The following GRID2 variants were observed in gnomAD, a reference collection of about 807,000 sequenced individuals.
The protein encoded by GRID2 is glutamate receptor ionotropic, delta-2.
GRID2 carries 33 observed loss-of-function variants against 114.8 expected under a neutral mutation model. The ratio of observed to expected loss-of-function variants is 0.29; its 90% CI spans 0.22 to 0.38. The LOEUF (loss-of-function observed/expected upper bound fraction) is 0.38, where lower values mean the gene tolerates loss of function less well. Ranked by LOEUF, GRID2 falls within the 10% of genes least tolerant of loss-of-function variation. The pLI is 1.00. For missense variants in GRID2, 1,184 were observed against 1,257.7 expected (o/e 0.94, Z 0.89); for synonymous variants, 505 against 449.9 (o/e 1.12, Z -1.55).
At chr4:92,851,885 G>C (rs887695009) in intron 2 of GRID2, among the ~76,000 whole-genome samples, 1 of 151,922 alleles carries the variant, frequency 6.6e-6, no homozygotes, top group Non-Finnish European at 1.5e-5. Context: ...CAAAAAATAT[G>C]TACTTTCTTT....
chr4:93,713,884 C>A (rs527633629), intron 14 of GRID2, among the ~76,000 whole-genome samples: 38 of 152,244 alleles, frequency 2.5e-4, no homozygotes, highest in Admixed American at 7.8e-4. Flanking sequence ...ATACTGCATC[C>A]TCAATCTATG....
chr4:92,654,832 T>G (rs1732147156), intron 2 of GRID2, among the ~76,000 whole-genome samples: 1 of 152,052 alleles, frequency 6.6e-6, no homozygotes, highest in Admixed American at 6.6e-5. Context: ...TCCAAGTATT[T>G]TCTCCCATTG....
At chr4:92,921,560 C>T (rs1205998198) in intron 2 of GRID2, among the ~76,000 whole-genome samples, 1 of 152,192 alleles carries the variant, frequency 6.6e-6, no homozygotes, top group Non-Finnish European at 1.5e-5. Context: ...AGTGTTCCTT[C>T]TAACAGTCAG....
At chr4:93,462,934 C>T (rs933938747) in intron 11 of GRID2, among the ~76,000 whole-genome samples, 4 of 152,116 alleles carry the variant, frequency 2.6e-5, no homozygotes, top group Non-Finnish European at 5.9e-5. Context: ...AGTAATTCCC[C>T]ATGACAGGTT....
intron 1 of GRID2, among the ~76,000 whole-genome samples, chr4:92,409,331 A>G (rs1002850711): frequency 1.3e-5 from 2 of 152,046 alleles, no homozygotes; most frequent in African/African-American, 2.4e-5. Flanking sequence ...CATTAAATGT[A>G]TTTTCCTACT....
intron 2 of GRID2, among the ~76,000 whole-genome samples, chr4:92,763,778 G>T (rs1483754230): frequency 1.3e-5 from 2 of 152,186 alleles, no homozygotes; most frequent in Admixed American, 1.3e-4. Flanking sequence ...CACAGTGAAA[G>T]AGGGAGAGAG....
At chr4:93,388,717 G>T (rs755752708) in intron 8 of GRID2, among the ~76,000 whole-genome samples, 2 of 152,164 alleles carry the variant, frequency 1.3e-5, no homozygotes, top group African/African-American at 2.4e-5. Context: ...TGCAAAGAAA[G>T]ACTGTAAAGA....
At chr4:92,473,205 AT>A (rs1722128638) in intron 1 of GRID2, among the ~76,000 whole-genome samples, 1 of 151,972 alleles carries the variant, frequency 6.6e-6, no homozygotes, top group Non-Finnish European at 1.5e-5. Context: ...TGACCATGTA[AT>A]TTTGTGTTTC....
intron 1 of GRID2, among the ~76,000 whole-genome samples, chr4:92,377,361 C>A (rs1337819866): frequency 6.6e-6 from 1 of 152,092 alleles, no homozygotes; most frequent in Non-Finnish European, 1.5e-5. Flanking sequence ...TCCTCACTTC[C>A]ATCTGAGACC....
At chr4:93,669,104 T>A (rs1052273866) in intron 14 of GRID2, among the ~76,000 whole-genome samples, 26 of 152,218 alleles carry the variant, frequency 1.7e-4, no homozygotes, top group Non-Finnish European at 2.6e-4. Context: ...TTATAGTACA[T>A]CAGGTTTTAT....
At chr4:92,514,344 A>C (rs1374204666) in intron 1 of GRID2, among the ~76,000 whole-genome samples, 1 of 151,876 alleles carries the variant, frequency 6.6e-6, no homozygotes, top group Non-Finnish European at 1.5e-5. Context: ...GAGATATATG[A>C]AAGTTTATTG....
intron 2 of GRID2, among the ~76,000 whole-genome samples, chr4:92,938,709 C>G (rs1463626962): frequency 7.0e-6 from 1 of 142,354 alleles, no homozygotes; most frequent in East Asian, 2.3e-4. Context: ...TGCTATCCCT[C>G]CCCCCAGCCC....
intron 2 of GRID2, among the ~76,000 whole-genome samples, chr4:92,925,213 T>C (rs1425070006): frequency 1.3e-5 from 2 of 152,058 alleles, no homozygotes; most frequent in Admixed American, 1.3e-4. Flanking sequence ...AATCTGGGTA[T>C]TCCTTCTCTG....
intron 1 of GRID2, among the ~76,000 whole-genome samples, chr4:92,405,338 T>C (rs1396527725): frequency 1.3e-5 from 2 of 152,230 alleles, no homozygotes; most frequent in Non-Finnish European, 2.9e-5. Flanking sequence ...ATGTTAGTTA[T>C]ATTTATTCAT....
chr4:92,305,704 C>CG (rs1408252677), intron 1 of GRID2, among the ~76,000 whole-genome samples: 2 of 152,094 alleles, frequency 1.3e-5, no homozygotes, highest in Admixed American at 6.5e-5. Context: ...CAGGGGCGGG[C>CG]GGGGGGCTGC....
downstream of GRID2, among the ~76,000 whole-genome samples, chr4:93,779,332 T>C (rs1290119036): frequency 6.6e-6 from 1 of 152,032 alleles, no homozygotes; most frequent in Non-Finnish European, 1.5e-5. Context: ...TCTGAGCACC[T>C]ACTATTAGCA....
At chr4:92,870,349 C>A (rs1366410971) in intron 2 of GRID2, among the ~76,000 whole-genome samples, 2 of 151,984 alleles carry the variant, frequency 1.3e-5, no homozygotes, top group Non-Finnish European at 2.9e-5. Flanking sequence ...GGAGTTTAAG[C>A]TCCATAAGGA....
intron 2 of GRID2, among the ~76,000 whole-genome samples, chr4:92,852,621 C>A (rs1560640070): frequency 6.6e-6 from 1 of 151,876 alleles, no homozygotes; most frequent in Non-Finnish European, 1.5e-5. Flanking sequence ...TTTCCACAGT[C>A]CTTGTTATTA....
intron 12 of GRID2, among the ~76,000 whole-genome samples, chr4:93,513,009 T>C (rs1729347305): frequency 6.6e-6 from 1 of 152,114 alleles, no homozygotes; most frequent in Admixed American, 6.6e-5. Context: ...AAAAAAAAAC[T>C]GCACTAAACT....
Sources: gnomAD v4.1 joint callset for allele counts (sites outside exome capture counted in the v4.1 genomes callset) on GRCh38, gnomAD v4.1.1 for gene constraint, MANE v1.5 for transcripts, NCBI Gene and HGNC (gene_info 2026-07-23, HGNC 2026-07-21) for gene names.